The following ARHGAP42 variants were observed in gnomAD, a reference collection of about 807,000 sequenced individuals.
ARHGAP42 encodes Rho GTPase activating protein 42.
A neutral mutation model predicts 125.0 loss-of-function variants in ARHGAP42; 63 were observed. That is an observed-to-expected ratio of 0.50 (90% CI 0.41 to 0.62). The LOEUF (loss-of-function observed/expected upper bound fraction) is 0.62, where lower values mean the gene tolerates loss of function less well. ARHGAP42 is among the 20% of genes least tolerant of loss of function. The probability of loss-of-function intolerance (pLI) is 0.00; values close to 1 mark genes in which losing one functional copy is unlikely to be tolerated. For missense variants in ARHGAP42, 766 were observed against 1,024.2 expected, an observed-to-expected ratio of 0.75 and a Z score of 3.44; for synonymous variants, 339 against 351.0, an observed-to-expected ratio of 0.97 and a Z score of 0.38.
At position 100,797,185 on chromosome 11, in the gene ARHGAP42, A is replaced by C. The variant is rs1396857293; in HGVS notation, c.312+2019A>C. Among the ~76,000 whole-genome samples, 5 of 152,228 alleles carry C rather than the reference A, an allele frequency of 3.3e-5. No individual in the cohort carries two copies. The East Asian group carries it at 9.6e-4, about 29-fold the overall frequency. ...GAAAGAAGCCATCACTATAACATAA[A>C]AATGCAAGATGAAGCAGCCAAGTGC... On this transcript the variant is annotated intron_variant, in intron 3 of 23. Coordinates refer to ENST00000298815, the MANE Select transcript of ARHGAP42 (RefSeq NM_152432.4).
chr11:100,875,101 CTCTCTCTGTGTGTGTGTGTGTG>C lies in ARHGAP42; in HGVS notation c.384+15478_384+15499del, dbSNP rs1308478365. Among the ~76,000 whole-genome samples, 540 of 93,434 alleles carry C rather than the reference CTCTCTCTGTGTGTGTGTGTGTG, an allele frequency of 5.8e-3. 1 individual carries two copies. The highest frequency in any genetic ancestry group is 9.6e-3 in the Non-Finnish European group (412 of 42,806). 61.3% of individuals were successfully genotyped at this position (93,434 alleles called of 152,430 possible). ...TCTCTCTCTCTCTCTCTCTCTCTCT[CTCTCTCTGTGTGTGTGTGTGTG>C]TGTGTGTGTGTGTGTGTGTGTGTGT... is the stretch of plus-strand genomic sequence containing the variant. On this transcript the variant is annotated intron_variant, in intron 4 of 23. Coordinates refer to ENST00000298815, the MANE Select transcript of ARHGAP42 (RefSeq NM_152432.4).
At chr11:100,768,665 T>G (rs948318688) in intron 1 of ARHGAP42, among the ~76,000 whole-genome samples, 89 of 152,194 alleles carry the variant, frequency 5.8e-4, no homozygotes, top group African/African-American at 2.1e-3. Flanking sequence ...CATCTGTGGC[T>G]GGGTTGACAT....
chr11:100,774,065 T>A lies in ARHGAP42; in HGVS notation c.250+3627T>A, dbSNP rs146886636. Among the ~76,000 whole-genome samples the A allele has an allele frequency of 5.4e-4, 83 of 152,330 alleles. 1 individual carries two copies. In the East Asian group the frequency reaches 0.015, roughly 28 times the overall value. On this transcript the variant is annotated intron_variant, in intron 2 of 23. Transcript: ENST00000298815. ...GTAAAAATATAGATATGTTTCAATA[T>A]CCTATTCAACACTTTTTACCCTTTA...
At chr11:100,792,752 C>CTTTTTTTTTT in intron 2 of ARHGAP42, among the ~76,000 whole-genome samples, 1 of 141,550 alleles carries the variant, frequency 7.1e-6, no homozygotes, top group African/African-American at 2.7e-5. Context: ...TTGGAATTTT[C>CTTTTTTTTTT]TTTTTTTTTT....
chr11:100,987,034 A>G (rs1858695705), intron 22 of ARHGAP42, among the ~76,000 whole-genome samples: 1 of 151,918 alleles, frequency 6.6e-6, no homozygotes, highest in Non-Finnish European at 1.5e-5. Context: ...AACTTATCCT[A>G]TTATTTTTCC....
chr11:100,836,845 TC>T (rs2135103639), intron 3 of ARHGAP42, among the ~76,000 whole-genome samples: 1 of 151,884 alleles, frequency 6.6e-6, no homozygotes, highest in East Asian at 1.9e-4. Flanking sequence ...TTTCAACCTG[TC>T]CTTTTTTTAC....
At chr11:100,867,967 A>AAC (rs1408401680) in intron 4 of ARHGAP42, among the ~76,000 whole-genome samples, 3 of 152,248 alleles carry the variant, frequency 2.0e-5, no homozygotes, top group African/African-American at 7.2e-5. Flanking sequence ...AAGCAGGCAG[A>AAC]ACACATGCAG....
At chr11:100,978,540 A>T (rs772726512) in intron 21 of ARHGAP42, among the ~76,000 whole-genome samples, 79 of 151,928 alleles carry the variant, frequency 5.2e-4, no homozygotes, top group Admixed American at 1.5e-3. Flanking sequence ...ACATATGTTC[A>T]CATATTAAAA....
chr11:100,801,137 C>T lies in ARHGAP42; in HGVS notation c.312+5971C>T, dbSNP rs917928675. 4.6e-5 allele frequency among the ~76,000 whole-genome samples: 7 copies of T among 152,096 alleles called. No individual in the cohort carries two copies. In the East Asian group the frequency reaches 5.8e-4, roughly 13 times the overall value. ...AAAAGTTTTGGATTTTGGGACATTC[C>T]GGATTTTAGATTTTCAGATTTGGGA... On this transcript the variant is annotated intron_variant, in intron 3 of 23. Coordinates refer to ENST00000298815, the MANE Select transcript of ARHGAP42 (RefSeq NM_152432.4).
At chr11:100,800,872 T>A (rs997001613) in intron 3 of ARHGAP42, among the ~76,000 whole-genome samples, 1 of 152,214 alleles carries the variant, frequency 6.6e-6, no homozygotes, top group Non-Finnish European at 1.5e-5. Flanking sequence ...ATTGCAGTGA[T>A]AAGTTAACAC....
At chr11:100,698,135 C>G (rs913149507) in intron 1 of ARHGAP42, among the ~76,000 whole-genome samples, 1 of 152,158 alleles carries the variant, frequency 6.6e-6, no homozygotes. Flanking sequence ...AAGCCATCCT[C>G]CCACCTCAGC....
At chr11:100,928,137 G>A (rs769489160) in intron 6 of ARHGAP42, among the ~76,000 whole-genome samples, 1 of 152,152 alleles carries the variant, frequency 6.6e-6, no homozygotes, top group Non-Finnish European at 1.5e-5. Flanking sequence ...TCACAGGCCT[G>A]ACACTTTTAC....
intron 18 of ARHGAP42, 102 bp from the exon 19 acceptor site, chr11:100,974,357 A>G (rs1261632590): frequency 2.8e-6 from 3 of 1,072,508 alleles, no homozygotes; most frequent in African/African-American, 1.6e-5. Flanking sequence ...GGATACTTAT[A>G]TTTTGCAGCT....
chr11:100,950,877 T>C (rs1360406883), intron 12 of ARHGAP42, among the ~76,000 whole-genome samples: 1 of 152,040 alleles, frequency 6.6e-6, no homozygotes, highest in Non-Finnish European at 1.5e-5. Flanking sequence ...TTTTCTTATT[T>C]ATTTTATTTT....
intron 22 of ARHGAP42, among the ~76,000 whole-genome samples, chr11:100,982,036 C>T (rs185632538): frequency 1.2e-4 from 18 of 152,238 alleles, no homozygotes; most frequent in African/African-American, 3.1e-4. Context: ...GAAACTTCTA[C>T]ATAGCAATTA....
chr11:100,858,677 T>C (rs1023268102), intron 3 of ARHGAP42, among the ~76,000 whole-genome samples: 4 of 152,296 alleles, frequency 2.6e-5, no homozygotes, highest in African/African-American at 9.6e-5. Flanking sequence ...TAGGATAATA[T>C]ATTTTAAAAA....
intron 12 of ARHGAP42, among the ~76,000 whole-genome samples, chr11:100,954,126 A>T (rs562402079): frequency 6.6e-6 from 1 of 152,064 alleles, no homozygotes; most frequent in Non-Finnish European, 1.5e-5. Context: ...GACATTCTCA[A>T]TTGGTGCCCT....
At chr11:100,926,683 G>T (rs1380202890) in intron 6 of ARHGAP42, among the ~76,000 whole-genome samples, 1 of 152,090 alleles carries the variant, frequency 6.6e-6, no homozygotes, top group African/African-American at 2.4e-5. Context: ...TAGTTCCCAG[G>T]ATCACGGTGA....
intron 2 of ARHGAP42, among the ~76,000 whole-genome samples, chr11:100,773,879 A>T (rs1475337489): frequency 6.6e-6 from 1 of 151,898 alleles, no homozygotes; most frequent in Non-Finnish European, 1.5e-5. Flanking sequence ...AGATCAGGAG[A>T]TGAAGAATCT....
Sources: allele counts gnomAD v4.1 joint callset (sites outside exome capture counted in the v4.1 genomes callset), GRCh38; gene constraint gnomAD v4.1.1; transcripts MANE v1.5; gene names NCBI Gene and HGNC (gene_info 2026-07-23, HGNC 2026-07-21).